FHIP2A: variants seen among roughly 807,000 people sequenced by gnomAD.
FHIP2A encodes the protein FHF complex subunit HOOK interacting protein 2A.
A neutral mutation model predicts 93.5 loss-of-function variants in FHIP2A; 46 were observed. That is an observed-to-expected ratio of 0.49 (90% confidence interval 0.39 to 0.63). The LOEUF (loss-of-function observed/expected upper bound fraction) is 0.63, where lower values mean the gene tolerates loss of function less well. Ranked by LOEUF, FHIP2A falls within the 20% of genes least tolerant of loss-of-function variation. FHIP2A has a pLI of 0.00. For missense variants in FHIP2A, 769 were observed against 909.7 expected (o/e 0.85, Z 1.99); for synonymous variants, 332 against 326.5 (o/e 1.02, Z -0.18).
At chr10:114,891,443 A>T (rs1296780907) in intron 16 of FHIP2A, among the ~76,000 whole-genome samples, 6 of 151,658 alleles carry the variant, frequency 4.0e-5, no homozygotes. Context: ...AAAGTTTGAA[A>T]TTTTCCATAA....
chr10:114,892,502 G>A (rs1439092701), intron 16 of FHIP2A, among the ~76,000 whole-genome samples: 1 of 152,104 alleles, frequency 6.6e-6, no homozygotes, highest in African/African-American at 2.4e-5. Flanking sequence ...GCTGGGCGAG[G>A]TGGCGGGCAC....
chr10:114,866,463 T>G (rs1206815437), downstream of FHIP2A, among the ~76,000 whole-genome samples: 1 of 152,224 alleles, frequency 6.6e-6, no homozygotes, highest in Non-Finnish European at 1.5e-5. Context: ...TAAGCCTGTT[T>G]CATTCACACT....
chr10:114,833,689 A>T (rs2083621368), intron 3 of FHIP2A, among the ~76,000 whole-genome samples: 1 of 152,204 alleles, frequency 6.6e-6, no homozygotes, highest in East Asian at 1.9e-4. Flanking sequence ...AAAAAAAGAG[A>T]TAGAAGGAAG....
At chr10:114,894,135 A>G (rs1217059284) in intron 16 of FHIP2A, among the ~76,000 whole-genome samples, 1 of 152,114 alleles carries the variant, frequency 6.6e-6, no homozygotes, top group African/African-American at 2.4e-5. Flanking sequence ...GAACCTCCTT[A>G]TGAGTTCTTC....
At chr10:114,844,043 C>A (rs1271845582) in intron 7 of FHIP2A, 106 bp downstream of exon 7, 9 of 782,854 alleles carry the variant, frequency 1.1e-5, no homozygotes, top group Non-Finnish European at 1.8e-5. Context: ...AAATTGAACA[C>A]CACTAGTGAT....
chr10:114,899,518 G>A, exon 17 of FHIP2A: 1 of 718,240 alleles, frequency 1.4e-6, no homozygotes, highest in Non-Finnish European at 2.6e-6. Context: ...GTGGTAAGAG[G>A]GATTCCAGAG....
intron 14 of FHIP2A, among the ~76,000 whole-genome samples, 164 bp from the exon 15 acceptor site, chr10:114,860,585 C>G (rs1481307730): frequency 1.3e-5 from 2 of 152,170 alleles, no homozygotes; most frequent in Non-Finnish European, 2.9e-5. Context: ...CTCCCAACCT[C>G]AGGTGATCCG....
chr10:114,830,015 T>C (rs1286321191), intron 1 of FHIP2A, among the ~76,000 whole-genome samples: 1 of 152,154 alleles, frequency 6.6e-6, no homozygotes, highest in Non-Finnish European at 1.5e-5. Flanking sequence ...ATGCACTGCC[T>C]AATCCAAGCT....
chr10:114,850,983 G>T (rs569344140), intron 13 of FHIP2A, among the ~76,000 whole-genome samples: 1 of 152,172 alleles, frequency 6.6e-6, no homozygotes, highest in South Asian at 2.1e-4. Context: ...GCATGATCTC[G>T]GCTCACTGCA....
chr10:114,880,740 A>T (rs2083913004), intron 16 of FHIP2A, among the ~76,000 whole-genome samples: 1 of 147,542 alleles, frequency 6.8e-6, no homozygotes, highest in South Asian at 2.1e-4. Context: ...TAGGAATTCA[A>T]TGTGTTGCAT....
At chr10:114,841,066 A>T (rs1211103006) in intron 5 of FHIP2A, among the ~76,000 whole-genome samples, 1 of 152,142 alleles carries the variant, frequency 6.6e-6, no homozygotes, top group Non-Finnish European at 1.5e-5. Flanking sequence ...GATATTCAAC[A>T]GGTCCGGATG....
intron 1 of FHIP2A, among the ~76,000 whole-genome samples, chr10:114,828,977 A>G (rs1218295504): frequency 1.3e-5 from 2 of 152,228 alleles, no homozygotes; most frequent in African/African-American, 2.4e-5. Flanking sequence ...TAATTTGGAC[A>G]ATAGTTCGGA....
intron 1 of FHIP2A, among the ~76,000 whole-genome samples, chr10:114,830,481 C>A (rs748712208): frequency 6.6e-6 from 1 of 151,678 alleles, no homozygotes; most frequent in Non-Finnish European, 1.5e-5. Flanking sequence ...CCACGTTGCC[C>A]GGCTGGTCTT....
intron 16 of FHIP2A, among the ~76,000 whole-genome samples, chr10:114,897,317 A>G (rs2143016721): frequency 6.6e-6 from 1 of 152,334 alleles, no homozygotes; most frequent in Non-Finnish European, 1.5e-5. Context: ...CGGACATAGC[A>G]GTAGGGTGGA....
chr10:114,854,283 A>G (rs968539940), intron 13 of FHIP2A, among the ~76,000 whole-genome samples: 4 of 152,106 alleles, frequency 2.6e-5, no homozygotes, highest in African/African-American at 4.8e-5. Context: ...ACGTGAGGTC[A>G]GGAATTCGAG....
At chr10:114,899,177 A>G in intron 16 of FHIP2A, among the ~76,000 whole-genome samples, 1 of 152,236 alleles carries the variant, frequency 6.6e-6, no homozygotes. Flanking sequence ...AGAATCACAG[A>G]AAGAAAACAT....
chr10:114,867,132 T>G (rs1452609190), downstream of FHIP2A, among the ~76,000 whole-genome samples: 2 of 148,176 alleles, frequency 1.3e-5, no homozygotes, highest in African/African-American at 2.5e-5. Context: ...TCGCTTGAAC[T>G]GGGGAGGCGG....
intron 16 of FHIP2A, among the ~76,000 whole-genome samples, chr10:114,872,656 A>G (rs528363929): frequency 6.6e-6 from 1 of 152,250 alleles, no homozygotes; most frequent in East Asian, 1.9e-4. Context: ...GTTTATGCCT[A>G]TTGTCCTTTT....
chr10:114,858,097 C>G (rs1212747458), intron 14 of FHIP2A, among the ~76,000 whole-genome samples: 3 of 152,098 alleles, frequency 2.0e-5, no homozygotes, highest in Non-Finnish European at 4.4e-5. Context: ...GGGCCAAGTC[C>G]ATTTGTCATG....
Sources: allele counts gnomAD v4.1 joint callset (sites outside exome capture counted in the v4.1 genomes callset), GRCh38; gene constraint gnomAD v4.1.1; transcripts MANE v1.5; gene names NCBI Gene and HGNC (gene_info 2026-07-23, HGNC 2026-07-21).